Variants in RAB38 observed in about 807,000 individuals in gnomAD.
RAB38 encodes the protein ras-related protein Rab-38.
RAB38 carries 15 observed loss-of-function variants against 18.4 expected under a neutral mutation model. The ratio of observed to expected loss-of-function variants is 0.82; its 90% CI spans 0.55 to 1.26. RAB38 has a LOEUF of 1.26. Ranked by LOEUF, RAB38 falls within the 50% of genes most tolerant of loss-of-function variation. RAB38 has a pLI of 0.00. For synonymous variants in RAB38, 101 were observed against 104.4 expected (o/e 0.97, Z 0.20); for missense variants, 294 against 267.4 (o/e 1.10, Z -0.69).
the RAB38 span, among the ~76,000 whole-genome samples, chr11:88,027,680 G>A: frequency 9.1e-5 from 12 of 131,552 alleles, no homozygotes; most frequent in Non-Finnish European, 1.4e-4. Flanking sequence ...AGGGGCGCCC[G>A]CCATTGCCCA....
the RAB38 span, among the ~76,000 whole-genome samples, chr11:87,898,142 A>T: frequency 4.0e-5 from 6 of 151,628 alleles, no homozygotes; most frequent in African/African-American, 1.5e-4. Context: ...CATCATAGGG[A>T]CAGTAAAAAT....
At chr11:88,093,228 T>C in the RAB38 span, among the ~76,000 whole-genome samples, 1 of 151,938 alleles carries the variant, frequency 6.6e-6, no homozygotes. Context: ...TAGCCTATAC[T>C]GACTGAATGA....
At chr11:88,031,408 G>T in the RAB38 span, among the ~76,000 whole-genome samples, 1 of 150,504 alleles carries the variant, frequency 6.6e-6, no homozygotes, top group Non-Finnish European at 1.5e-5. Context: ...GAAATAAAGG[G>T]TATTCAATTA....
the RAB38 span, among the ~76,000 whole-genome samples, chr11:87,854,205 T>G: frequency 6.6e-6 from 1 of 152,192 alleles, no homozygotes; most frequent in Non-Finnish European, 1.5e-5. Flanking sequence ...ATGGACATCT[T>G]TAGACCACCA....
chr11:87,905,447 G>C, the RAB38 span, among the ~76,000 whole-genome samples: 1 of 151,646 alleles, frequency 6.6e-6, no homozygotes, highest in African/African-American at 2.4e-5. Flanking sequence ...CCTTATAAAT[G>C]GTGTATTTTC....
the RAB38 span, among the ~76,000 whole-genome samples, chr11:87,891,426 G>A: frequency 8.6e-5 from 13 of 151,876 alleles, no homozygotes; most frequent in South Asian, 2.1e-4. Flanking sequence ...CTTACCACTC[G>A]TTCATTGATC....
chr11:87,957,701 T>C, the RAB38 span, among the ~76,000 whole-genome samples: 5 of 151,926 alleles, frequency 3.3e-5, no homozygotes, highest in African/African-American at 9.7e-5. Flanking sequence ...CGTTTCTAGG[T>C]TTTATGGTTC....
At chr11:88,048,882 T>C in the RAB38 span, among the ~76,000 whole-genome samples, 1 of 152,162 alleles carries the variant, frequency 6.6e-6, no homozygotes, top group South Asian at 2.1e-4. Context: ...GCACTCTGGT[T>C]AGATGTCCTA....
the RAB38 span, chr11:87,917,898 T>G: frequency 6.6e-6 from 1 of 151,994 alleles, no homozygotes; most frequent in African/African-American, 2.4e-5. Flanking sequence ...TGGTTAAAAT[T>G]TTTTTTAATA....
intron 2 of RAB38, among the ~76,000 whole-genome samples, chr11:88,146,681 T>C (rs1213477385): frequency 6.6e-6 from 1 of 152,196 alleles, no homozygotes; most frequent in East Asian, 1.9e-4. Flanking sequence ...TGCTGCAGGA[T>C]TGTTTCTGAG....
chr11:88,029,566 C>G, the RAB38 span, among the ~76,000 whole-genome samples: 2 of 152,054 alleles, frequency 1.3e-5, no homozygotes, highest in Non-Finnish European at 2.9e-5. Context: ...CAAAAAAAGG[C>G]AGGGTTTGCA....
chr11:88,057,532 TAAAG>T, the RAB38 span, among the ~76,000 whole-genome samples: 1 of 152,066 alleles, frequency 6.6e-6, no homozygotes, highest in Non-Finnish European at 1.5e-5. Context: ...CTAATCGAAA[TAAAG>T]AAGCACACAG....
chr11:88,104,992 CTTT>C, the RAB38 span, among the ~76,000 whole-genome samples: 2 of 152,028 alleles, frequency 1.3e-5, no homozygotes, highest in African/African-American at 4.8e-5. Flanking sequence ...TTCCATCCTT[CTTT>C]GATTACTCTC....
the RAB38 span, among the ~76,000 whole-genome samples, chr11:88,068,055 A>G: frequency 6.6e-6 from 1 of 150,432 alleles, no homozygotes; most frequent in Non-Finnish European, 1.5e-5. Flanking sequence ...TTAACCCATA[A>G]TTCAGTTTAC....
At chr11:87,812,946 A>G in the RAB38 span, among the ~76,000 whole-genome samples, 11 of 152,232 alleles carry the variant, frequency 7.2e-5, no homozygotes, top group Admixed American at 2.0e-4. Flanking sequence ...TTGAAAGGCA[A>G]CATTCCAAAG....
chr11:88,111,330 C>G (rs888664267), downstream of RAB38, among the ~76,000 whole-genome samples: 32 of 152,062 alleles, frequency 2.1e-4, no homozygotes, highest in Non-Finnish European at 5.9e-5. Flanking sequence ...TATCTAGTAG[C>G]AACCCCATTT....
At chr11:88,146,597 T>A (rs923665173) in intron 2 of RAB38, among the ~76,000 whole-genome samples, 1 of 152,176 alleles carries the variant, frequency 6.6e-6, no homozygotes, top group African/African-American at 2.4e-5. Context: ...AATACTATAG[T>A]CAGAAAGTTA....
the RAB38 span, among the ~76,000 whole-genome samples, chr11:88,057,417 C>T: frequency 6.6e-6 from 1 of 151,784 alleles, no homozygotes; most frequent in Admixed American, 6.6e-5. Context: ...CTGTGCCATC[C>T]TGAATAAATG....
chr11:88,024,012 A>G, the RAB38 span, among the ~76,000 whole-genome samples: 1 of 152,136 alleles, frequency 6.6e-6, no homozygotes, highest in Non-Finnish European at 1.5e-5. Flanking sequence ...AATACCCCAC[A>G]AGCACAGGCT....
Sources: allele counts gnomAD v4.1 joint callset (sites outside exome capture counted in the v4.1 genomes callset), GRCh38; gene constraint gnomAD v4.1.1; transcripts MANE v1.5; gene names NCBI Gene and HGNC (gene_info 2026-07-23, HGNC 2026-07-21).